The following TPD52 variants were observed in gnomAD, a reference collection of about 807,000 sequenced individuals.
TPD52 encodes prostate and colon associated protein.
A neutral mutation model predicts 31.3 loss-of-function variants in TPD52; 17 were observed. That is an observed-to-expected ratio of 0.54 (90% confidence interval 0.37 to 0.82). The LOEUF is 0.82. Ranked by LOEUF, TPD52 falls within the 40% of genes least tolerant of loss-of-function variation. The probability of loss-of-function intolerance (pLI) is 0.00; values close to 1 mark genes in which losing one functional copy is unlikely to be tolerated. For synonymous variants in TPD52, 83 were observed against 89.6 expected (o/e 0.93, Z 0.42); for missense variants, 212 against 240.1 (o/e 0.88, Z 0.77).
chr8:80,123,794 T>G (rs1323773720), intron 1 of TPD52, among the ~76,000 whole-genome samples: 1 of 152,156 alleles, frequency 6.6e-6, no homozygotes, highest in Non-Finnish European at 1.5e-5. Context: ...AAGAATGTAG[T>G]CTTGGTTCTA....
At chr8:80,105,943 T>G (rs1419238036) in intron 1 of TPD52, among the ~76,000 whole-genome samples, 3 of 152,012 alleles carry the variant, frequency 2.0e-5, no homozygotes, top group Non-Finnish European at 4.4e-5. Flanking sequence ...TGTACCCTTA[T>G]GTCTTGATCA....
At chr8:80,078,248 G>A (rs1403854125) in intron 1 of TPD52, among the ~76,000 whole-genome samples, 2 of 152,114 alleles carry the variant, frequency 1.3e-5, no homozygotes, top group East Asian at 3.8e-4. Flanking sequence ...TGGCATTTTG[G>A]ATAAATATCA....
intron 1 of TPD52, among the ~76,000 whole-genome samples, chr8:80,128,494 C>CAA (rs3053828): frequency 4.8e-5 from 4 of 83,120 alleles, no homozygotes; most frequent in East Asian, 6.4e-4. Context: ...CCTGTCTCTA[C>CAA]AAAAAAAAAA....
At chr8:80,094,466 A>ATATATATATATATATATATC (rs1816565705) in intron 1 of TPD52, among the ~76,000 whole-genome samples, 1 of 105,620 alleles carries the variant, frequency 9.5e-6, no homozygotes, top group Non-Finnish European at 1.9e-5. Context: ...ATATATATAT[A>ATATATATATATATATATATC]TATATATATA....
At chr8:80,167,493 T>C (rs918605860) in intron 1 of TPD52, among the ~76,000 whole-genome samples, 1 of 152,156 alleles carries the variant, frequency 6.6e-6, no homozygotes, top group African/African-American at 2.4e-5. Flanking sequence ...TAAAAATAAA[T>C]GCAGGAAGTG....
intron 1 of TPD52, among the ~76,000 whole-genome samples, chr8:80,095,250 T>C (rs1816643927): frequency 6.6e-6 from 1 of 152,176 alleles, no homozygotes; most frequent in South Asian, 2.1e-4. Flanking sequence ...TGCATATTAT[T>C]GACAAAAGCC....
At chr8:80,087,868 T>G (rs1350760565) in intron 1 of TPD52, among the ~76,000 whole-genome samples, 1 of 152,166 alleles carries the variant, frequency 6.6e-6, no homozygotes, top group Admixed American at 6.5e-5. Context: ...CCCGACACTG[T>G]GCCACAATAA....
rs542761386 is a variant in TPD52 at position 80,124,330 on chromosome 8, T to C, written c.19+47095A>G. On this transcript the variant is annotated intron_variant, in intron 1 of 7. Transcript: ENST00000518937. Reference sequence around the variant, plus strand: ...ACCAGTGCATACCACCGTGCCTGGCTAATATTTGTATTTTTTGTGGAGATT... The same window carrying C: ...ACCAGTGCATACCACCGTGCCTGGCCAATATTTGTATTTTTTGTGGAGATT... 1.1e-4 allele frequency among the ~76,000 whole-genome samples: 17 copies of C among 152,262 alleles called. No homozygotes were observed. In the East Asian group the frequency reaches 2.7e-3, roughly 24 times the overall value.
intron 7 of TPD52, among the ~76,000 whole-genome samples, chr8:80,041,868 T>A (rs1027457629): frequency 2.0e-5 from 3 of 152,068 alleles, no homozygotes; most frequent in Non-Finnish European, 4.4e-5. Flanking sequence ...GGCGGGCGGA[T>A]CACGAGGTCA....
At chr8:80,074,458 G>C (rs1231023406) in intron 1 of TPD52, among the ~76,000 whole-genome samples, 1 of 152,178 alleles carries the variant, frequency 6.6e-6, no homozygotes, top group African/African-American at 2.4e-5. Flanking sequence ...GTTGTCTTCG[G>C]GAGACCCAAA....
chr8:80,156,151 G>C (rs1810959528), intron 1 of TPD52, among the ~76,000 whole-genome samples: 1 of 152,138 alleles, frequency 6.6e-6, no homozygotes, highest in Non-Finnish European at 1.5e-5. Flanking sequence ...ACTGAGGCTA[G>C]GGGCATCTGA....
At chr8:80,080,709 G>A in intron 1 of TPD52, 1 of 1,152,450 alleles carries the variant, frequency 8.7e-7, no homozygotes. Flanking sequence ...ACCACCTGGT[G>A]TTAATTTCGA....
intron 2 of TPD52, among the ~76,000 whole-genome samples, chr8:80,057,486 C>T (rs1812027367): frequency 6.6e-6 from 1 of 152,180 alleles, no homozygotes; most frequent in Non-Finnish European, 1.5e-5. Context: ...ACTATGCAGC[C>T]CCTAAAAAGT....
At chr8:80,120,255 C>T (rs1253308533) in intron 1 of TPD52, among the ~76,000 whole-genome samples, 2 of 152,016 alleles carry the variant, frequency 1.3e-5, no homozygotes, top group Non-Finnish European at 2.9e-5. Flanking sequence ...TGTGGGAGGC[C>T]GAGGCAGGTG....
chr8:80,102,755 G>C (rs559721109), intron 1 of TPD52, among the ~76,000 whole-genome samples: 1 of 152,266 alleles, frequency 6.6e-6, no homozygotes, highest in South Asian at 2.1e-4. Context: ...GATGGGGTCT[G>C]GTGGCCAGGG....
intron 1 of TPD52, among the ~76,000 whole-genome samples, chr8:80,093,551 T>C (rs1347288478): frequency 6.6e-6 from 1 of 152,208 alleles, no homozygotes; most frequent in East Asian, 1.9e-4. Flanking sequence ...CAGTAGGCAC[T>C]TATTTAAAAT....
intron 2 of TPD52, among the ~76,000 whole-genome samples, chr8:80,055,597 G>A (rs981884173): frequency 2.0e-5 from 3 of 152,150 alleles, no homozygotes; most frequent in Non-Finnish European, 4.4e-5. Flanking sequence ...ACAGAGTGAA[G>A]AGATAACCTG....
chr8:80,079,283 C>T (rs1814961660), intron 1 of TPD52, among the ~76,000 whole-genome samples: 1 of 152,168 alleles, frequency 6.6e-6, no homozygotes, highest in Non-Finnish European at 1.5e-5. Context: ...AGACATCAAG[C>T]TGCTGCCTCC....
chr8:80,063,786 G>GC (rs1222164347), intron 2 of TPD52, among the ~76,000 whole-genome samples: 1 of 151,156 alleles, frequency 6.6e-6, no homozygotes, highest in Non-Finnish European at 1.5e-5. Flanking sequence ...AACAGAGCGA[G>GC]ACTCCATCTC....
Sources: gnomAD v4.1 joint callset for allele counts (sites outside exome capture counted in the v4.1 genomes callset) on GRCh38, gnomAD v4.1.1 for gene constraint, MANE v1.5 for transcripts, NCBI Gene and HGNC (gene_info 2026-07-23, HGNC 2026-07-21) for gene names.